IFT57: variants seen among roughly 807,000 people sequenced by gnomAD.
IFT57 encodes intraflagellar transport 57.
IFT57 carries 59 observed loss-of-function variants against 56.8 expected under a neutral mutation model. The ratio of observed to expected loss-of-function variants is 1.04; its 90% confidence interval spans 0.84 to 1.29. The LOEUF (loss-of-function observed/expected upper bound fraction) is 1.29. Ranked by LOEUF, IFT57 falls within the 50% of genes most tolerant of loss-of-function variation. The pLI, the probability that IFT57 is intolerant of heterozygous loss-of-function variation, is 0.00. For synonymous variants in IFT57, 209 were observed against 186.1 expected (o/e 1.12, Z -1.00); for missense variants, 470 against 522.1 (o/e 0.90, Z 0.97).
At chr3:108,205,173 G>C (rs1454576939) in intron 5 of IFT57, among the ~76,000 whole-genome samples, 1 of 152,110 alleles carries the variant, frequency 6.6e-6, no homozygotes, top group Non-Finnish European at 1.5e-5. Flanking sequence ...GGGAAATATG[G>C]AGGAAAGATG....
At chr3:108,166,722 A>C in intron 8 of IFT57, 132 bp downstream of exon 8, 2 of 708,060 alleles carry the variant, frequency 2.8e-6, no homozygotes, top group Non-Finnish European at 4.3e-6. Flanking sequence ...TGGCTTCCTA[A>C]AGTGGGCAGA....
chr3:108,167,871 G>T lies in IFT57; in HGVS notation c.778-7C>A. The T allele has an allele frequency of 6.4e-7, 1 of 1,566,246 alleles. No individual in the cohort carries two copies. Among genetic ancestry groups the T allele is most frequent in the Non-Finnish European group, 8.6e-7 (1 of 1,156,748 alleles). ...CAACATGGATTCTCCAATCCTACAG[G>T]CATAGAGCACATAGAAATAATGTAA... is the stretch of plus-strand genomic sequence containing the variant. On this transcript the variant is annotated splice_polypyrimidine_tract_variant and splice_region_variant and intron_variant, in intron 6 of 10. Coordinates refer to ENST00000264538, the MANE Select transcript of IFT57 (RefSeq NM_018010.4).
chr3:108,221,180 C>A (rs2080403894), intron 1 of IFT57, among the ~76,000 whole-genome samples: 1 of 152,096 alleles, frequency 6.6e-6, no homozygotes, highest in Admixed American at 6.5e-5. Context: ...TGGAAGACAG[C>A]AGTGGAATGA....
At chr3:108,210,087 T>A (rs2080335720) in intron 4 of IFT57, among the ~76,000 whole-genome samples, 1 of 152,152 alleles carries the variant, frequency 6.6e-6, no homozygotes, top group South Asian at 2.1e-4. Context: ...ACAATAGGAT[T>A]CTAATCTCAG....
At chr3:108,181,034 C>T (rs1322201451) in intron 6 of IFT57, among the ~76,000 whole-genome samples, 4 of 151,962 alleles carry the variant, frequency 2.6e-5, no homozygotes, top group Non-Finnish European at 5.9e-5. Flanking sequence ...AAATCTGCTA[C>T]CACTCTTGAT....
chr3:108,202,418 G>A (rs533606398), intron 5 of IFT57, among the ~76,000 whole-genome samples: 22 of 152,248 alleles, frequency 1.4e-4, no homozygotes, highest in Non-Finnish European at 2.5e-4. Context: ...TCCCTACAGC[G>A]CTGAATATTC....
intron 4 of IFT57, among the ~76,000 whole-genome samples, chr3:108,209,653 A>C (rs2080333377): frequency 6.6e-6 from 1 of 152,222 alleles, no homozygotes; most frequent in South Asian, 2.1e-4. Context: ...GCTTTATTCA[A>C]TCCACTGAAG....
At chr3:108,222,017 C>A (rs1205424796) in intron 1 of IFT57, 94 bp downstream of exon 1, 2 of 1,519,578 alleles carry the variant, frequency 1.3e-6, no homozygotes, top group East Asian at 2.5e-5. Flanking sequence ...GAATTGCTAA[C>A]CCGCTCTCAC....
chr3:108,203,508 T>C lies in IFT57; in HGVS notation c.654+3120A>G, dbSNP rs1247327231. Among the ~76,000 whole-genome samples, 4 of 152,198 alleles carry C rather than the reference T, an allele frequency of 2.6e-5. No individual in the cohort carries two copies. The East Asian group carries it at 5.8e-4, about 22-fold the overall frequency. ...CTTTATTTAATGAAAGGAAGGAATA[T>C]AGGTAATTTCTCCCTGCATTAGCCC... On this transcript the variant is annotated intron_variant, in intron 5 of 10. Coordinates refer to ENST00000264538, the MANE Select transcript of IFT57 (RefSeq NM_018010.4).
At chr3:108,213,324 C>T (rs1163582057) in intron 4 of IFT57, among the ~76,000 whole-genome samples, 1 of 152,008 alleles carries the variant, frequency 6.6e-6, no homozygotes, top group Admixed American at 6.6e-5. Context: ...ATTTCTGCTT[C>T]AAATCACAAG....
intron 5 of IFT57, among the ~76,000 whole-genome samples, chr3:108,199,424 A>G (rs2080264631): frequency 6.6e-6 from 1 of 152,222 alleles, no homozygotes; most frequent in Non-Finnish European, 1.5e-5. Flanking sequence ...TACAGTGAGG[A>G]AAACGGCATA....
At chr3:108,174,014 G>A (rs1471729411) in intron 6 of IFT57, among the ~76,000 whole-genome samples, 24 of 148,224 alleles carry the variant, frequency 1.6e-4, no homozygotes, top group South Asian at 1.1e-3. Context: ...GTGTGTGTGT[G>A]TGTGTGTGTG....
chr3:108,163,701 T>C lies in IFT57; in HGVS notation c.1073A>G (p.Gln358Arg), dbSNP rs376855431. ...EVMEELEKVK[Q>R]EMEEKGSSMT... ...GCTGCTGCCCTTTTCTTCCATTTCT[T>C]GTTTTACCTTTTCTAATTCTTCCAT... Residue 358 changes from glutamine (Q) to arginine (R), a missense_variant, in exon 10 of 11, where the codon CAA becomes CGA. Transcript: ENST00000264538. 3.1e-6 allele frequency: 5 copies of C among 1,611,004 alleles called. No homozygotes were observed. Among genetic ancestry groups the C allele is most frequent in the African/African-American group, 1.3e-5 (1 of 74,962 alleles).
chr3:108,218,686 T>C (rs761921007), intron 2 of IFT57, 33 bp from the exon 3 acceptor site: 8 of 1,088,532 alleles, frequency 7.3e-6, no homozygotes, highest in Non-Finnish European at 9.3e-6. Context: ...GGGTATTATT[T>C]GTTAGTTATA....
chr3:108,178,906 G>A (rs180813785), intron 6 of IFT57, among the ~76,000 whole-genome samples: 170 of 125,870 alleles, frequency 1.4e-3, no homozygotes, highest in Middle Eastern at 4.4e-3. Flanking sequence ...CAGTAGAAAT[G>A]TGTACATTCC....
chr3:108,161,624 C>T lies in IFT57; in HGVS notation c.*853G>A, dbSNP rs1360584098. On this transcript the variant is annotated 3_prime_UTR_variant, in exon 11 of 11. Transcript: ENST00000264538. Reference sequence around the variant, plus strand: ...TGCTAATTCTGGCACTCTAATGCTGCTTTTTTCACCAATTTAGAAATCCTA... The same window carrying T: ...TGCTAATTCTGGCACTCTAATGCTGTTTTTTTCACCAATTTAGAAATCCTA... 6.6e-6 allele frequency: 1 copy of T among 152,118 alleles called. No individual in the cohort carries two copies. Among genetic ancestry groups the T allele is most frequent in the South Asian group, 2.1e-4 (1 of 4,810 alleles). The allele number at this position is 152,118 out of a possible 1,614,324, so 9.4% of individuals were successfully genotyped here.
chr3:108,161,804 C>A lies in IFT57; in HGVS notation c.*673G>T, dbSNP rs1240390296. Reference sequence around the variant, plus strand: ...GTAGAAATTGAGACATGCATATGCACCTTCTCTTCATTCTAAGAACAGAGT... The same window carrying A: ...GTAGAAATTGAGACATGCATATGCAACTTCTCTTCATTCTAAGAACAGAGT... On this transcript the variant is annotated 3_prime_UTR_variant, in exon 11 of 11. Coordinates refer to ENST00000264538, the MANE Select transcript of IFT57 (RefSeq NM_018010.4). The A allele has an allele frequency of 6.6e-6, 1 of 152,140 alleles. No individual in the cohort carries two copies. The highest frequency in any genetic ancestry group is 1.9e-4 in the East Asian group (1 of 5,188). The allele number at this position is 152,140 out of a possible 1,614,324, so 9.4% of individuals were successfully genotyped here. A position where few individuals can be genotyped will look rare whatever the true frequency, so the allele number is the denominator to read the frequency against.
intron 6 of IFT57, among the ~76,000 whole-genome samples, chr3:108,187,515 T>C (rs1341155991): frequency 6.6e-6 from 1 of 152,062 alleles, no homozygotes; most frequent in Non-Finnish European, 1.5e-5. Context: ...GAGAGAAGAC[T>C]GCTCTGCCTA....
chr3:108,183,812 T>G (rs886375534), intron 6 of IFT57, among the ~76,000 whole-genome samples: 7 of 152,178 alleles, frequency 4.6e-5, no homozygotes, highest in African/African-American at 1.7e-4. Flanking sequence ...CATTAAATAT[T>G]TCTTTAGCAA....
Sources: allele counts gnomAD v4.1 joint callset (sites outside exome capture counted in the v4.1 genomes callset), GRCh38; gene constraint gnomAD v4.1.1; transcripts MANE v1.5; gene names NCBI Gene and HGNC (gene_info 2026-07-23, HGNC 2026-07-21).